UNC79: variants seen among roughly 807,000 people sequenced by gnomAD.
The protein encoded by UNC79 is unc-79 subunit of NALCN channel complex, also known as protein unc-79 homolog.
UNC79 carries 37 observed loss-of-function variants against 283.1 expected under a neutral mutation model. The ratio of observed to expected loss-of-function variants is 0.13; its 90% CI spans 0.10 to 0.17. UNC79 has a LOEUF of 0.17. UNC79 is among the 10% of genes least tolerant of loss of function. UNC79 has a pLI of 1.00. For synonymous variants in UNC79, 1,107 were observed against 1,200.2 expected (o/e 0.92, Z 1.61); for missense variants, 2,272 against 3,211.1 (o/e 0.71, Z 7.07).
At chr14:93,406,662 A>G (rs1395840745) in intron 1 of UNC79, among the ~76,000 whole-genome samples, 1 of 152,224 alleles carries the variant, frequency 6.6e-6, no homozygotes, top group Non-Finnish European at 1.5e-5. Context: ...CCTTATGATC[A>G]TCCTAAAAGA....
At chr14:93,594,227 T>A (rs2064894154) in intron 23 of UNC79, among the ~76,000 whole-genome samples, 1 of 152,094 alleles carries the variant, frequency 6.6e-6, no homozygotes, top group African/African-American at 2.4e-5. Flanking sequence ...AGCTACCGAA[T>A]CAGAATCTCA....
chr14:93,456,559 C>T (rs2056801894), intron 1 of UNC79, among the ~76,000 whole-genome samples: 2 of 152,090 alleles, frequency 1.3e-5, no homozygotes, highest in Admixed American at 1.3e-4. Flanking sequence ...CCAATGTTAG[C>T]TGTGCTAAGC....
In UNC79 at chr14:93,691,585, A is replaced by G. The variant is rs1202606194; in HGVS notation, c.7273-164A>G. 7.4e-5 allele frequency: 52 copies of G among 698,314 alleles called. 1 individual carries two copies. In the South Asian group the frequency reaches 9.0e-4, roughly 12 times the overall value. The allele number at this position is 698,314 out of a possible 1,614,324, so 43.3% of individuals were successfully genotyped here. A position where few individuals can be genotyped will look rare whatever the true frequency, so the allele number is the denominator to read the frequency against. ...ACTGGTGGAGAAGAGAGCACAGCAG[A>G]TAGTTTCAAGGTGATGAATCATGAC... On this transcript the variant is annotated intron_variant, in intron 45 of 48. Coordinates refer to ENST00000555664, the Ensembl canonical transcript of UNC79.
chr14:93,465,098 C>G (rs1004652703), intron 1 of UNC79, among the ~76,000 whole-genome samples: 1 of 152,162 alleles, frequency 6.6e-6, no homozygotes, highest in African/African-American at 2.4e-5. Context: ...TCCTCTTTCT[C>G]TGTCCCACTT....
At chr14:93,477,785 T>C in intron 4 of UNC79, 57 bp downstream of exon 4, 7 of 1,536,916 alleles carry the variant, frequency 4.6e-6, no homozygotes, top group Non-Finnish European at 6.2e-6. Context: ...GAATGGAAAT[T>C]GCTTTTGCTG....
At chr14:93,566,187 C>T (rs571255678) in intron 14 of UNC79, among the ~76,000 whole-genome samples, 1 of 152,206 alleles carries the variant, frequency 6.6e-6, no homozygotes, top group African/African-American at 2.4e-5. Flanking sequence ...AAAAATGTTC[C>T]CCATGTCCTG....
At chr14:93,514,620 G>T (rs2059972452) in intron 7 of UNC79, among the ~76,000 whole-genome samples, 1 of 152,134 alleles carries the variant, frequency 6.6e-6, no homozygotes, top group African/African-American at 2.4e-5. Context: ...GCTCTCCTCT[G>T]TTCTCTACCT....
chr14:93,378,780 A>G (rs2054610147), intron 1 of UNC79, among the ~76,000 whole-genome samples: 1 of 152,230 alleles, frequency 6.6e-6, no homozygotes, highest in Non-Finnish European at 1.5e-5. Context: ...CAGATTACAG[A>G]AGCTCAACCT....
chr14:93,607,347 T>C (rs1017720151), intron 26 of UNC79, among the ~76,000 whole-genome samples: 5 of 152,228 alleles, frequency 3.3e-5, no homozygotes. Flanking sequence ...CCTTCCTGTA[T>C]ATATAGTATC....
chr14:93,363,955 C>T (rs537762522), intron 1 of UNC79, among the ~76,000 whole-genome samples: 3 of 152,166 alleles, frequency 2.0e-5, no homozygotes, highest in Admixed American at 6.5e-5. Flanking sequence ...CTTCTGACCT[C>T]GTGATCTACC....
At chr14:93,457,160 T>C (rs2056818998) in intron 1 of UNC79, among the ~76,000 whole-genome samples, 1 of 152,252 alleles carries the variant, frequency 6.6e-6, no homozygotes, top group South Asian at 2.1e-4. Flanking sequence ...AATTTATTCA[T>C]TCATTTCTTC....
chr14:93,605,099 C>A, intron 26 of UNC79, 138 bp downstream of exon 27: 2 of 815,262 alleles, frequency 2.5e-6, no homozygotes, highest in Non-Finnish European at 3.5e-6. Flanking sequence ...CCCAGATGTT[C>A]AAGTGTTTGA....
chr14:93,357,855 A>ATATG (rs200323910), intron 1 of UNC79, among the ~76,000 whole-genome samples: 2,308 of 24,848 alleles, frequency 0.093, 41 homozygotes, highest in African/African-American at 0.31. Flanking sequence ...GGATATATGG[A>ATATG]TATATATATG....
chr14:93,420,098 A>G (rs2055560970), intron 1 of UNC79, among the ~76,000 whole-genome samples: 3 of 151,310 alleles, frequency 2.0e-5, no homozygotes, highest in Admixed American at 2.0e-4. Context: ...TGGTAGGAGT[A>G]AGTCCTTACT....
At chr14:93,343,548 TC>T (rs1328069574) in intron 1 of UNC79, among the ~76,000 whole-genome samples, 1 of 152,212 alleles carries the variant, frequency 6.6e-6, no homozygotes, top group African/African-American at 2.4e-5. Flanking sequence ...TCTTTTTTTT[TC>T]CTCCCCTATT....
rs186048992 is a variant in UNC79 at position 93,593,898 on chromosome 14, G to A, written c.3190+61G>A. ...ACACAGTACACGGGTGTCTGGTCAC[G>A]GCATCTTTTTTGGCACCTCCTTTCT... On this transcript the variant is annotated intron_variant, in intron 23 of 48. Transcript: ENST00000555664. 2.2e-4 allele frequency: 323 copies of A among 1,467,918 alleles called. 3 individuals are homozygous for A. In the East Asian group the frequency reaches 4.6e-3, roughly 21 times the overall value. 90.9% of individuals were successfully genotyped at this position (1,467,918 alleles called of 1,614,324 possible).
At chr14:93,647,274 C>A (rs921853882) in intron 35 of UNC79, among the ~76,000 whole-genome samples, 27 of 152,122 alleles carry the variant, frequency 1.8e-4, no homozygotes, top group African/African-American at 5.1e-4. Context: ...ACGGAACTTA[C>A]ATTCTACTTG....
chr14:93,357,733 G>A lies in UNC79; in HGVS notation c.-351+24210G>A, dbSNP rs1399989513. Among the ~76,000 whole-genome samples the A allele has an allele frequency of 5.1e-3, 420 of 82,796 alleles. 65 individuals carry two copies. Among genetic ancestry groups the A allele is most frequent in the African/African-American group, 0.023 (395 of 16,840 alleles). The allele number at this position is 82,796 out of a possible 152,430, so 54.3% of individuals were successfully genotyped here. A position where few individuals can be genotyped will look rare whatever the true frequency, so the allele number is the denominator to read the frequency against. On this transcript the variant is annotated intron_variant, in intron 1 of 49. Transcript: ENST00000256339. ...TATATATATATATGGATATATGGAT[G>A]TATATATATATATGGATATATGGAT...
chr14:93,586,601 A>G, exon 21 of UNC79: 1 of 1,613,618 alleles, frequency 6.2e-7, no homozygotes, highest in Non-Finnish European at 8.5e-7. Flanking sequence ...CACAGCAGTA[A>G]AGAATGATAC....
Sources: gnomAD v4.1 joint callset for allele counts (sites outside exome capture counted in the v4.1 genomes callset) on GRCh38, gnomAD v4.1.1 for gene constraint, MANE v1.5 for transcripts, NCBI Gene and HGNC (gene_info 2026-07-23, HGNC 2026-07-21) for gene names.